LHFPL2: variants seen among roughly 807,000 people sequenced by gnomAD.
LHFPL2 encodes the protein LHFPL tetraspan subfamily member 2, also known as LHFPL tetraspan subfamily member 2 protein.
A neutral mutation model predicts 17.5 loss-of-function variants in LHFPL2; 7 were observed. The ratio of observed to expected loss-of-function variants is 0.40; its 90% CI spans 0.23 to 0.75. The LOEUF (loss-of-function observed/expected upper bound fraction) is 0.75, where lower values mean the gene tolerates loss of function less well. LHFPL2 is among the 30% of genes least tolerant of loss of function. The probability of loss-of-function intolerance (pLI) is 0.37; values close to 1 mark genes in which losing one functional copy is unlikely to be tolerated. For missense variants in LHFPL2, 241 were observed against 294.8 expected, an observed-to-expected ratio of 0.82 and a Z score of 1.34; for synonymous variants, 134 against 116.2, an observed-to-expected ratio of 1.15 and a Z score of -0.99.
chr5:78,610,717 A>C (rs532717171), intron 2 of LHFPL2, among the ~76,000 whole-genome samples: 44 of 151,072 alleles, frequency 2.9e-4, no homozygotes, highest in African/African-American at 1.1e-3. Context: ...AGCAGCTAAG[A>C]AGAGTTACAC....
At chr5:78,509,438 T>C (rs1755033278) in intron 4 of LHFPL2, among the ~76,000 whole-genome samples, 3 of 152,050 alleles carry the variant, frequency 2.0e-5, no homozygotes, top group African/African-American at 7.2e-5. Context: ...CCTCAGGGAG[T>C]TGCACTGAAG....
At chr5:78,512,990 AGGT>A (rs1755183505) in intron 3 of LHFPL2, among the ~76,000 whole-genome samples, 1 of 152,102 alleles carries the variant, frequency 6.6e-6, no homozygotes, top group African/African-American at 2.4e-5. Context: ...TCATGACCTC[AGGT>A]GATCACCCAC....
chr5:78,644,592 T>C (rs1031937445), intron 1 of LHFPL2: 2 of 450,282 alleles, frequency 4.4e-6, no homozygotes, highest in African/African-American at 2.0e-5. Context: ...CGAACTTCTT[T>C]TTTGTCTCCC....
intron 2 of LHFPL2, among the ~76,000 whole-genome samples, chr5:78,602,590 C>G (rs1462916215): frequency 1.3e-5 from 2 of 152,162 alleles, no homozygotes; most frequent in Non-Finnish European, 2.9e-5. Flanking sequence ...CACAGGGACC[C>G]TTCACCATCA....
chr5:78,490,600 A>G (rs112320764), intron 4 of LHFPL2, among the ~76,000 whole-genome samples: 4,026 of 152,058 alleles, frequency 0.026, 98 homozygotes, highest in Non-Finnish European at 0.039. Flanking sequence ...AAATACAAAA[A>G]TTAGCTGGGC....
intron 3 of LHFPL2, among the ~76,000 whole-genome samples, chr5:78,510,625 C>G (rs1049986053): frequency 6.6e-6 from 1 of 152,230 alleles, no homozygotes; most frequent in African/African-American, 2.4e-5. Flanking sequence ...CTCTAGGGAG[C>G]ACCATGGAAG....
chr5:78,507,975 C>T (rs1004091457), intron 4 of LHFPL2, among the ~76,000 whole-genome samples: 5 of 146,154 alleles, frequency 3.4e-5, no homozygotes, highest in Non-Finnish European at 7.6e-5. Context: ...CACACACACA[C>T]ATGCCCCTGA....
At chr5:78,592,698 T>C (rs1221754855) in intron 2 of LHFPL2, among the ~76,000 whole-genome samples, 1 of 33,356 alleles carries the variant, frequency 3.0e-5, no homozygotes, top group African/African-American at 1.5e-4. Flanking sequence ...CACACACACA[T>C]TACTCTTCAA....
At chr5:78,532,397 A>G (rs111815989) in intron 3 of LHFPL2, among the ~76,000 whole-genome samples, 2,925 of 152,168 alleles carry the variant, frequency 0.019, 84 homozygotes, top group African/African-American at 0.068. Flanking sequence ...TCCTGCTAAG[A>G]GATGTGGCCA....
chr5:78,629,087 AGG>A (rs975925189), intron 2 of LHFPL2, among the ~76,000 whole-genome samples: 1 of 152,210 alleles, frequency 6.6e-6, no homozygotes, highest in African/African-American at 2.4e-5. Context: ...AAGATGGATG[AGG>A]ACTTTTTTCA....
chr5:78,495,790 T>A (rs1754586137), intron 4 of LHFPL2, among the ~76,000 whole-genome samples: 1 of 152,210 alleles, frequency 6.6e-6, no homozygotes, highest in South Asian at 2.1e-4. Flanking sequence ...TTCCCAAGCG[T>A]GTCCACGGAG....
At chr5:78,519,006 C>T (rs1325622239) in intron 3 of LHFPL2, among the ~76,000 whole-genome samples, 1 of 151,912 alleles carries the variant, frequency 6.6e-6, no homozygotes, top group African/African-American at 2.4e-5. Flanking sequence ...TCCCCAGGTG[C>T]TCACCTGTAT....
chr5:78,591,761 G>A (rs1401228607), intron 2 of LHFPL2, among the ~76,000 whole-genome samples: 3 of 152,236 alleles, frequency 2.0e-5, no homozygotes, highest in Non-Finnish European at 4.4e-5. Flanking sequence ...GGAGAAGCCA[G>A]GAGACCTTGT....
chr5:78,555,859 A>C (rs1756558277), intron 3 of LHFPL2, among the ~76,000 whole-genome samples: 4 of 152,248 alleles, frequency 2.6e-5, no homozygotes, highest in Admixed American at 2.0e-4. Flanking sequence ...GAAGTCAGCC[A>C]GGTAGACTGA....
At chr5:78,587,641 T>A (rs1307531573) in intron 2 of LHFPL2, among the ~76,000 whole-genome samples, 1 of 152,250 alleles carries the variant, frequency 6.6e-6, no homozygotes, top group Non-Finnish European at 1.5e-5. Flanking sequence ...ATCACAGGCA[T>A]CTGTAACTGG....
chr5:78,593,009 T>A (rs1420068324), intron 2 of LHFPL2, among the ~76,000 whole-genome samples: 1 of 152,240 alleles, frequency 6.6e-6, no homozygotes, highest in Non-Finnish European at 1.5e-5. Flanking sequence ...ATGTTATGTG[T>A]ATTTTATCAC....
intron 3 of LHFPL2, among the ~76,000 whole-genome samples, chr5:78,530,037 T>C (rs751405787): frequency 2.6e-5 from 4 of 152,332 alleles, no homozygotes; most frequent in Admixed American, 6.5e-5. Flanking sequence ...GAACAGAAGA[T>C]TGGGCAAATG....
chr5:78,505,698 C>T (rs1229274715), intron 4 of LHFPL2, among the ~76,000 whole-genome samples: 2 of 152,184 alleles, frequency 1.3e-5, no homozygotes, highest in Non-Finnish European at 2.9e-5. Flanking sequence ...TATCCCTGTT[C>T]CGTAGAATGC....
rs868552521 is a variant in LHFPL2 at position 78,527,695 on chromosome 5, A to G, written c.-185-17297T>C. Among the ~76,000 whole-genome samples the G allele has an allele frequency of 5.3e-5, 8 of 152,200 alleles. No individual in the cohort carries two copies. The South Asian group carries it at 1.7e-3, about 31-fold the overall frequency. On this transcript the variant is annotated intron_variant, in intron 3 of 4. Transcript: ENST00000380345. Reference sequence around the variant, plus strand: ...ATTTTACTTCACAAAGAAAAAAAAAAGATTGTGAAATTTTCAACTTGTAAT... The same window carrying G: ...ATTTTACTTCACAAAGAAAAAAAAAGGATTGTGAAATTTTCAACTTGTAAT...
Sources: allele counts gnomAD v4.1 joint callset (sites outside exome capture counted in the v4.1 genomes callset), GRCh38; gene constraint gnomAD v4.1.1; transcripts MANE v1.5; gene names NCBI Gene and HGNC (gene_info 2026-07-23, HGNC 2026-07-21).